The following GOLGA3 variants were observed in gnomAD, a reference collection of about 807,000 sequenced individuals.
The protein encoded by GOLGA3 is golgin subfamily A member 3.
Under a neutral mutation model 169.4 loss-of-function variants are expected in GOLGA3, and 75 were observed. That is an observed-to-expected ratio of 0.44 (90% CI 0.37 to 0.54). The LOEUF (loss-of-function observed/expected upper bound fraction) is 0.54, where lower values mean the gene tolerates loss of function less well. Ranked by LOEUF, GOLGA3 falls within the 20% of genes least tolerant of loss-of-function variation. The pLI, the probability that GOLGA3 is intolerant of heterozygous loss-of-function variation, is 0.00. For synonymous variants in GOLGA3, 824 were observed against 822.4 expected (o/e 1.00, Z -0.03); for missense variants, 1,899 against 1,930.0 (o/e 0.98, Z 0.30).
Position 132,796,200 on chromosome 12 carries a change from C to T in GOLGA3, c.2121G>A (p.Gln707=). The T allele has an allele frequency of 3.8e-6, 6 of 1,593,090 alleles. No individual in the cohort carries two copies. Among genetic ancestry groups the T allele is most frequent in the Middle Eastern group, 1.7e-4 (1 of 5,752 alleles). Residue 707 remains glutamine, a synonymous_variant, in exon 11 of 24, where the codon CAG becomes CAA. Coordinates refer to ENST00000450791, the MANE Select transcript of GOLGA3 (RefSeq NM_001389683.1). ...GCAAAGCCTCAAGCTGCTGGTCTCG[C>T]TGGAGTAAAGTCAACTTCACCTGGA... ...QLEQVKLTLL[Q]RDQQLEALQQ...
chr12:132,817,347 G>A (rs200130742), intron 2 of GOLGA3, among the ~76,000 whole-genome samples: 2 of 950 alleles, frequency 2.1e-3, no homozygotes, highest in Non-Finnish European at 0.031. Flanking sequence ...AGGTGAACCC[G>A]CCCTCCACAC....
At position 132,798,399 on chromosome 12, in the gene GOLGA3, T is replaced by C. The variant is rs144599408; in HGVS notation, c.1879A>G (p.Thr627Ala). ...TTCTCCTTCATGGACCTGTGCTGAGTTTCCGTCAGCTGCTGGGACAGGGAC... is the reference window on the plus strand; with the variant it reads ...TTCTCCTTCATGGACCTGTGCTGAGCTTCCGTCAGCTGCTGGGACAGGGAC... Reference protein sequence around the residue: ...NVSLSQQLTETQHRSMKEKGR... With the variant: ...NVSLSQQLTEAQHRSMKEKGR... The change falls in exon 9 of 24, where the codon ACT becomes GCT. Residue 627 changes from threonine (T) to alanine (A), a missense_variant. Thr to Ala is a moderately conservative substitution (Grantham distance 58). Coordinates refer to ENST00000450791, the MANE Select transcript of GOLGA3 (RefSeq NM_001389683.1). 4.3e-6 allele frequency: 7 copies of C among 1,613,436 alleles called. No homozygotes were observed. In the African/African-American group the frequency reaches 9.3e-5, roughly 22 times the overall value.
At chr12:132,776,813 G>A in intron 20 of GOLGA3, 57 bp from the exon 21 acceptor site, 2 of 1,597,540 alleles carry the variant, frequency 1.3e-6, no homozygotes, top group South Asian at 2.3e-5. Context: ...TACTGCCCTG[G>A]AAAATGGCTC....
intron 1 of GOLGA3, among the ~76,000 whole-genome samples, chr12:132,825,112 A>T (rs963827198): frequency 8.5e-5 from 13 of 152,132 alleles, no homozygotes; most frequent in African/African-American, 3.1e-4. Flanking sequence ...ATTTCCTAGC[A>T]AAAGAAAACT....
At position 132,779,843 on chromosome 12, in the gene GOLGA3, AC is replaced by A. The variant is rs370726660; in HGVS notation, c.3582+954del. 5.7e-3 allele frequency among the ~76,000 whole-genome samples: 506 copies of A among 88,870 alleles called. 4 individuals carry two copies. The highest frequency in any genetic ancestry group is 0.021 in the African/African-American group (484 of 23,234). The allele number at this position is 88,870 out of a possible 152,430, so 58.3% of individuals were successfully genotyped here. ...CACACACCACAGCCCTTGCACGGAC[AC>A]CCCCCCGCGCACATACACACACCTC... On this transcript the variant is annotated intron_variant, in intron 18 of 23. Coordinates refer to ENST00000450791, the MANE Select transcript of GOLGA3 (RefSeq NM_001389683.1).
At chr12:132,788,336 C>T (rs1397232305) in intron 13 of GOLGA3, among the ~76,000 whole-genome samples, 3 of 152,206 alleles carry the variant, frequency 2.0e-5, no homozygotes, top group African/African-American at 7.2e-5. Flanking sequence ...CTTGGTCTAA[C>T]GTGCCATCAG....
At chr12:132,825,160 G>T (rs116164125) in intron 1 of GOLGA3, among the ~76,000 whole-genome samples, 2 of 152,128 alleles carry the variant, frequency 1.3e-5, no homozygotes, top group Middle Eastern at 3.2e-3. Context: ...TCTGCCTTGC[G>T]GGGGTGGGGT....
At chr12:132,808,900 CGA>C (rs1949559405) in intron 4 of GOLGA3, among the ~76,000 whole-genome samples, 2 of 152,218 alleles carry the variant, frequency 1.3e-5, no homozygotes, top group East Asian at 1.9e-4. Context: ...TGTGCGGCGA[CGA>C]GAGTGTAGAA....
intron 16 of GOLGA3, 23 bp from the exon 17 acceptor site, chr12:132,782,516 T>C: frequency 6.4e-7 from 1 of 1,563,242 alleles, no homozygotes; most frequent in East Asian, 2.2e-5. Flanking sequence ...AATGTCACTG[T>C]AAAATTACCT....
Position 132,807,693 on chromosome 12 carries a change from T to G in GOLGA3, c.1178+198A>C, listed in dbSNP as rs1348079596. Among the ~76,000 whole-genome samples the G allele has an allele frequency of 1.1e-4, 17 of 152,292 alleles. No homozygotes were observed. In the East Asian group the frequency reaches 3.1e-3, roughly 28 times the overall value. ...AAAAGCTGTGTATCACCTGTTCCAG[T>G]GCGGAGAGCCGTGGGCCCGGGAAGC... On this transcript the variant is annotated intron_variant, in intron 5 of 23. Coordinates refer to ENST00000450791, the MANE Select transcript of GOLGA3 (RefSeq NM_001389683.1).
At position 132,789,239 on chromosome 12, in the gene GOLGA3, T is replaced by G. The variant is rs755747878; in HGVS notation, c.2599A>C (p.Ser867Arg). 5 of 1,608,332 alleles carry G rather than the reference T, an allele frequency of 3.1e-6. No individual in the cohort carries two copies. Among genetic ancestry groups the G allele is most frequent in the Non-Finnish European group, 4.2e-6 (5 of 1,179,794 alleles). Reference protein sequence around the residue: ...RDATSKDQLISELKATRKRLD... With the variant: ...RDATSKDQLIRELKATRKRLD... ...CTCTTCCTGGTGGCTTTCAGCTCAC[T>G]GATGAGCTGGTCTTTGGAGGTGGCG... The change falls in exon 13 of 24, where the codon AGT (serine) becomes CGT (arginine). Residue 867 changes from serine (S) to arginine (R), a missense_variant. By Grantham distance (110) the Ser-to-Arg change is moderately radical. Coordinates refer to ENST00000450791, the MANE Select transcript of GOLGA3 (RefSeq NM_001389683.1).
intron 17 of GOLGA3, 23 bp downstream of exon 17, chr12:132,782,272 CG>C: frequency 6.3e-7 from 1 of 1,576,354 alleles, no homozygotes; most frequent in Non-Finnish European, 8.7e-7. Context: ...CCGTTGCTGG[CG>C]TGAGTTTGAC....
Position 132,804,738 on chromosome 12 carries a change from G to T in GOLGA3, c.1575C>A (p.Ser525Arg), listed in dbSNP as rs1437822146. The T allele has an allele frequency of 6.2e-7, 1 of 1,613,510 alleles. No individual in the cohort carries two copies. ...CACCTGTGTTGTCCTTGCTGAGCAT[G>T]CTCCTCTGCATGTCCTCTACCTTGG... ...LMAKVEDMQR[S>R]MLSKDNTVHD... The change falls in exon 7 of 24, where the codon AGC becomes AGA. Residue 525 changes from serine (S) to arginine (R), a missense_variant. By Grantham distance (110) the Ser-to-Arg change is moderately radical. Transcript: ENST00000450791. The surrounding 1 kb of genome is among the most constrained non-coding windows in gnomAD (Gnocchi z 4.1).
Position 132,808,202 on chromosome 12 carries a change from C to G in GOLGA3, c.867G>C (p.Leu289=). 6.2e-7 allele frequency: 1 copy of G among 1,613,622 alleles called. No homozygotes were observed. Among genetic ancestry groups the G allele is most frequent in the Non-Finnish European group, 8.5e-7 (1 of 1,179,660 alleles). ...CCAGACGGTCGTCAGTGTCGGGGGA[C>G]AGGCTGATCTCAGACACAACGGACG... ...SAASVVSEIS[L]SPDTDDRLEN... Residue 289 remains leucine, a synonymous_variant, in exon 5 of 24, where the codon CTG becomes CTC. Transcript: ENST00000450791.
chr12:132,773,494 GT>G (rs1171202786), intron 23 of GOLGA3, among the ~76,000 whole-genome samples, 200 bp from the exon 24 acceptor site: 2 of 152,242 alleles, frequency 1.3e-5, no homozygotes, highest in Non-Finnish European at 2.9e-5. Context: ...TCAAGGACCA[GT>G]CCTGACCAGG....
At chr12:132,786,031 G>A (rs1182357106) in intron 15 of GOLGA3, among the ~76,000 whole-genome samples, 2 of 152,226 alleles carry the variant, frequency 1.3e-5, no homozygotes, top group African/African-American at 2.4e-5. Context: ...GAACGCGAGC[G>A]GACCAGGGCA....
chr12:132,775,051 G>C (rs2045143731), intron 22 of GOLGA3, 90 bp downstream of exon 22: 1 of 1,161,138 alleles, frequency 8.6e-7, no homozygotes, highest in Non-Finnish European at 1.2e-6. Flanking sequence ...ATCCGTTTAT[G>C]TCTGAATGAC....
chr12:132,806,722 G>A (rs1566120098), intron 6 of GOLGA3, among the ~76,000 whole-genome samples: 1 of 152,192 alleles, frequency 6.6e-6, no homozygotes, highest in Non-Finnish European at 1.5e-5. Flanking sequence ...AAGTGCATAC[G>A]ACAAAATGAC....
intron 4 of GOLGA3, chr12:132,811,693 C>G (rs2136655849): frequency 5.1e-6 from 1 of 194,416 alleles, no homozygotes; most frequent in African/African-American, 2.4e-5. Flanking sequence ...AACTCCTGAC[C>G]TCAAGCAATC....
Sources: gnomAD v4.1 joint callset for allele counts (sites outside exome capture counted in the v4.1 genomes callset) on GRCh38, gnomAD v4.1.1 for gene constraint, Gnocchi (gnomAD v3.1) non-coding constraint, MANE v1.5 for transcripts, NCBI Gene and HGNC (gene_info 2026-07-23, HGNC 2026-07-21) for gene names.